PRKG2: variants seen among roughly 807,000 people sequenced by gnomAD.
PRKG2 encodes the protein cGMP-dependent protein kinase 2.
PRKG2 carries 33 observed loss-of-function variants against 97.2 expected under a neutral mutation model. The observed-to-expected ratio is 0.34, with a 90% CI of 0.26 to 0.45. The LOEUF (loss-of-function observed/expected upper bound fraction) is 0.45, where lower values mean the gene tolerates loss of function less well. Among genes scored for constraint, PRKG2 ranks in the 20% least tolerant of loss-of-function variants. The pLI is 1.00. For synonymous variants in PRKG2, 330 were observed against 321.8 expected (o/e 1.03, Z -0.27); for missense variants, 638 against 900.0 (o/e 0.71, Z 3.73).
Position 81,171,688 on chromosome 4 carries a change from T to C in PRKG2, c.742+3A>G. On this transcript the variant is annotated splice_donor_region_variant and intron_variant, in intron 4 of 18. Transcript: ENST00000264399. ...AAAGATGGAGCATTTCCTCTTTTAT[T>C]ACCTTTCACAGAGGCAGTCCTTGTA... 1 of 1,584,968 alleles carries C rather than the reference T, an allele frequency of 6.3e-7. No individual in the cohort carries two copies. Among genetic ancestry groups the C allele is most frequent in the Non-Finnish European group, 8.6e-7 (1 of 1,162,904 alleles).
At chr4:81,149,924 C>A (rs1332476798) in intron 8 of PRKG2, among the ~76,000 whole-genome samples, 3 of 152,178 alleles carry the variant, frequency 2.0e-5, no homozygotes, top group Non-Finnish European at 4.4e-5. Context: ...ATTTCAAAGA[C>A]CCCTATCTAC....
rs1198878319 is a variant in PRKG2, at chr4:81,092,419, T to C, written c.2160A>G (p.Lys720=). The change falls in exon 18 of 19, where the codon AAA becomes AAG. Residue 720 remains lysine (K), a synonymous_variant. Coordinates refer to ENST00000264399, the MANE Select transcript of PRKG2 (RefSeq NM_006259.3). ...GCAAAGGTGATGGAAGGCTCCGTGC[T>C]TTCAGTCCCTCCCAATTAAAACCAT... The part of the protein sequence containing the change: ...WLNGFNWEGL[K]ARSLPSPLQR... 1.9e-6 allele frequency: 3 copies of C among 1,592,992 alleles called. No individual in the cohort carries two copies. The highest frequency in any genetic ancestry group is 2.2e-5 in the East Asian group (1 of 44,612).
intron 6 of PRKG2, among the ~76,000 whole-genome samples, chr4:81,156,181 A>G (rs1229952834): frequency 2.0e-5 from 3 of 152,180 alleles, no homozygotes; most frequent in Admixed American, 1.3e-4. Flanking sequence ...TATTCAGGAA[A>G]CCCATCTCAC....
chr4:81,097,291 G>A (rs576979009), intron 17 of PRKG2, among the ~76,000 whole-genome samples: 2 of 152,230 alleles, frequency 1.3e-5, no homozygotes, highest in South Asian at 4.2e-4. Flanking sequence ...CATTGTCAAT[G>A]AACAGTAATA....
intron 2 of PRKG2, among the ~76,000 whole-genome samples, chr4:81,191,497 G>C (rs537353869): frequency 6.6e-6 from 1 of 152,126 alleles, no homozygotes; most frequent in African/African-American, 2.4e-5. Flanking sequence ...AGGGGTTGAT[G>C]GGTGCAGCAA....
chr4:81,209,224 C>T (rs917295692), intron 1 of PRKG2, among the ~76,000 whole-genome samples: 5 of 152,214 alleles, frequency 3.3e-5, no homozygotes, highest in Admixed American at 6.5e-5. Context: ...GGCGGATTAA[C>T]ACCTGGCAGT....
Position 81,089,816 on chromosome 4 carries a change from T to C in PRKG2, c.2194-13A>G, listed in dbSNP as rs778971006. On this transcript the variant is annotated splice_polypyrimidine_tract_variant and intron_variant, in intron 18 of 18. Coordinates refer to ENST00000264399, the MANE Select transcript of PRKG2 (RefSeq NM_006259.3). ...TGGGTCCCTTGAGCTAATATAGAAA[T>C]AATTAAAACAAAAGGAAGAATAATG... 2 of 1,566,986 alleles carry C rather than the reference T, an allele frequency of 1.3e-6. No homozygotes were observed. Among genetic ancestry groups the C allele is most frequent in the Non-Finnish European group, 1.8e-6 (2 of 1,138,162 alleles).
intron 1 of PRKG2, among the ~76,000 whole-genome samples, chr4:81,206,215 T>G (rs997818476): frequency 6.6e-6 from 1 of 152,232 alleles, no homozygotes; most frequent in Non-Finnish European, 1.5e-5. Context: ...TTAGACTACC[T>G]ATTTAAACTT....
At chr4:81,158,442 A>ATCC (rs1749305087) in intron 6 of PRKG2, among the ~76,000 whole-genome samples, 7 of 150,272 alleles carry the variant, frequency 4.7e-5, no homozygotes, top group African/African-American at 1.8e-4. Flanking sequence ...TGCTCAAGGA[A>ATCC]ATAAAAGAGG....
intron 15 of PRKG2, among the ~76,000 whole-genome samples, chr4:81,107,802 C>A (rs1743498985): frequency 6.6e-6 from 1 of 152,186 alleles, no homozygotes; most frequent in Non-Finnish European, 1.5e-5. Flanking sequence ...CGAGTCACAA[C>A]ACCCACCCGA....
intron 14 of PRKG2, among the ~76,000 whole-genome samples, chr4:81,133,858 A>T (rs182791840): frequency 3.5e-4 from 35 of 101,350 alleles, no homozygotes; most frequent in African/African-American, 8.2e-4. Flanking sequence ...ATTTTTTTTT[A>T]AAAATAGCTT....
rs539883437 is a variant in PRKG2, at chr4:81,099,691, T to C, written c.2126+4679A>G. On this transcript the variant is annotated intron_variant, in intron 17 of 18. Coordinates refer to ENST00000264399, the MANE Select transcript of PRKG2 (RefSeq NM_006259.3). ...CCTCTCTCACCACTCCTATTCAACA[T>C]AGTGTTGGAAGTTCTGGCCAGGGCA... 1.2e-4 allele frequency among the ~76,000 whole-genome samples: 19 copies of C among 152,118 alleles called. No individual in the cohort carries two copies. In the East Asian group the frequency reaches 3.3e-3, roughly 26 times the overall value.
At chr4:81,090,307 G>C (rs1741411939) in intron 18 of PRKG2, among the ~76,000 whole-genome samples, 1 of 151,886 alleles carries the variant, frequency 6.6e-6, no homozygotes, top group South Asian at 2.1e-4. Context: ...GCAGTGAGCT[G>C]AGATCACACC....
chr4:81,115,433 T>C (rs777726674), intron 14 of PRKG2, among the ~76,000 whole-genome samples: 1 of 152,208 alleles, frequency 6.6e-6, no homozygotes, highest in Admixed American at 6.5e-5. Context: ...TTCAGAAATG[T>C]GTTGTCTATT....
At chr4:81,127,866 T>C (rs1395757776) in intron 14 of PRKG2, among the ~76,000 whole-genome samples, 1 of 152,234 alleles carries the variant, frequency 6.6e-6, no homozygotes, top group Non-Finnish European at 1.5e-5. Context: ...TCCAATACTA[T>C]GTTGAATAGG....
At chr4:81,121,891 T>G (rs116831751) in intron 14 of PRKG2, among the ~76,000 whole-genome samples, 1 of 152,222 alleles carries the variant, frequency 6.6e-6, no homozygotes, top group Non-Finnish European at 1.5e-5. Flanking sequence ...GACAGGCAGA[T>G]AGATGACAGG....
At chr4:81,203,928 T>C (rs1395149214) in intron 2 of PRKG2, among the ~76,000 whole-genome samples, 1 of 152,178 alleles carries the variant, frequency 6.6e-6, no homozygotes, top group Non-Finnish European at 1.5e-5. Flanking sequence ...TTCTGTTGTC[T>C]CCCTGACCTC....
intron 17 of PRKG2, among the ~76,000 whole-genome samples, chr4:81,102,850 C>A (rs922850622): frequency 3.1e-4 from 47 of 152,242 alleles, no homozygotes; most frequent in African/African-American, 1.1e-3. Flanking sequence ...TCAGCAACAG[C>A]CCTTCTCCCT....
At chr4:81,138,585 C>A (rs1054449464) in intron 12 of PRKG2, among the ~76,000 whole-genome samples, 3 of 151,606 alleles carry the variant, frequency 2.0e-5, no homozygotes, top group Non-Finnish European at 4.4e-5. Context: ...AAAAAATATC[C>A]ATTTTATTCT....
Sources: allele counts gnomAD v4.1 joint callset (sites outside exome capture counted in the v4.1 genomes callset), GRCh38; gene constraint gnomAD v4.1.1; transcripts MANE v1.5; gene names NCBI Gene and HGNC (gene_info 2026-07-23, HGNC 2026-07-21).